BMPR1B: variants seen among roughly 807,000 people sequenced by gnomAD.
The protein encoded by BMPR1B is bone morphogenetic protein receptor type 1B, also known as bone morphogenetic protein receptor type-1B.
A neutral mutation model predicts 59.1 loss-of-function variants in BMPR1B; 12 were observed. The observed-to-expected ratio is 0.20, with a 90% CI of 0.13 to 0.33. The LOEUF is 0.33. Among genes scored for constraint, BMPR1B ranks in the 10% least tolerant of loss-of-function variants. The pLI is 1.00. For synonymous variants in BMPR1B, 237 were observed against 207.3 expected (o/e 1.14, Z -1.23); for missense variants, 550 against 610.9 (o/e 0.90, Z 1.05).
At chr4:95,025,823 G>T (rs140085089) in intron 3 of BMPR1B, among the ~76,000 whole-genome samples, 51 of 152,244 alleles carry the variant, frequency 3.3e-4, no homozygotes, top group African/African-American at 1.2e-3. Flanking sequence ...TTTAATATCT[G>T]TTTACTGTAG....
rs1454474664 is a variant in BMPR1B, at chr4:94,971,000, A to G, written c.-112-25040A>G. On this transcript the variant is annotated intron_variant, in intron 2 of 12. Transcript: ENST00000515059. ...ACATTTTACAGTCACTGAATTTGGG[A>G]TTTGTCCTAATGACATCATACAACA... Among the ~76,000 whole-genome samples, 3 of 152,294 alleles carry G rather than the reference A, an allele frequency of 2.0e-5. No homozygotes were observed. The East Asian group carries it at 5.8e-4, about 29-fold the overall frequency.
intron 1 of BMPR1B, among the ~76,000 whole-genome samples, chr4:94,767,722 T>G (rs903358681): frequency 6.6e-6 from 1 of 152,164 alleles, no homozygotes; most frequent in African/African-American, 2.4e-5. Context: ...TGCTGTGGCA[T>G]TTATGTTTGA....
At chr4:94,762,055 A>G (rs1187546632) in intron 1 of BMPR1B, among the ~76,000 whole-genome samples, 1 of 152,222 alleles carries the variant, frequency 6.6e-6, no homozygotes, top group African/African-American at 2.4e-5. Context: ...GGGTATTTTT[A>G]AAGCCCATCA....
chr4:95,128,872 C>G (rs1440810899), intron 8 of BMPR1B, among the ~76,000 whole-genome samples: 1 of 152,082 alleles, frequency 6.6e-6, no homozygotes, highest in Non-Finnish European at 1.5e-5. Context: ...TGGGTTGTTT[C>G]TGTTGACTCT....
intron 1 of BMPR1B, among the ~76,000 whole-genome samples, chr4:94,806,077 G>A (rs1037472688): frequency 3.3e-5 from 5 of 152,094 alleles, no homozygotes; most frequent in African/African-American, 1.2e-4. Context: ...ATTTTTCCAA[G>A]TTAAGACATT....
intron 1 of BMPR1B, among the ~76,000 whole-genome samples, chr4:94,833,192 CAAAA>C (rs60473542): frequency 6.0e-4 from 80 of 132,994 alleles, no homozygotes; most frequent in African/African-American, 1.0e-3. Context: ...GACTCTTTCT[CAAAA>C]AAAAAAAAAA....
chr4:94,921,722 G>C (rs1374060265), intron 2 of BMPR1B, among the ~76,000 whole-genome samples: 1 of 152,040 alleles, frequency 6.6e-6, no homozygotes, highest in Non-Finnish European at 1.5e-5. Flanking sequence ...AATGAGATTT[G>C]GTGGGGGCAC....
rs567267591 is a variant in BMPR1B at position 94,987,952 on chromosome 4, A to T, written c.-112-8088A>T. 3.8e-4 allele frequency among the ~76,000 whole-genome samples: 58 copies of T among 152,332 alleles called. 1 individual carries two copies. Among genetic ancestry groups the T allele is most frequent in the Admixed American group, 3.3e-4 (5 of 15,302 alleles). On this transcript the variant is annotated intron_variant, in intron 2 of 12. Coordinates refer to ENST00000515059, the MANE Select transcript of BMPR1B (RefSeq NM_001203.3). Reference sequence around the variant, plus strand: ...GATTTATCATCTGGATATTAGAATCATCCAGAGATTAATGGAATTAAATGT... The same window carrying T: ...GATTTATCATCTGGATATTAGAATCTTCCAGAGATTAATGGAATTAAATGT...
At chr4:95,091,376 G>T (rs937422198) in intron 3 of BMPR1B, 7 of 814,150 alleles carry the variant, frequency 8.6e-6, no homozygotes, top group Middle Eastern at 6.2e-4. Context: ...ATAGCTCATT[G>T]CTTGACCGGA....
intron 2 of BMPR1B, among the ~76,000 whole-genome samples, chr4:94,984,632 T>A (rs3775033): frequency 6.6e-6 from 1 of 152,178 alleles, no homozygotes. Context: ...AATGGACATA[T>A]TTTTATCGTG....
chr4:94,834,934 G>GT (rs1724742707), intron 1 of BMPR1B, among the ~76,000 whole-genome samples: 1 of 147,590 alleles, frequency 6.8e-6, no homozygotes, highest in African/African-American at 2.5e-5. Flanking sequence ...TGCAGTTTGT[G>GT]TTTCTTTGTT....
chr4:95,068,896 G>T (rs991655515), intron 3 of BMPR1B, among the ~76,000 whole-genome samples: 3 of 152,122 alleles, frequency 2.0e-5, no homozygotes, highest in Non-Finnish European at 4.4e-5. Context: ...TAATGTTGTT[G>T]ATAGGCTTTT....
chr4:95,027,556 G>T (rs1043190463), intron 3 of BMPR1B, among the ~76,000 whole-genome samples: 3 of 152,132 alleles, frequency 2.0e-5, no homozygotes, highest in South Asian at 4.1e-4. Context: ...GATGAAAATG[G>T]TGTAGGATAG....
intron 3 of BMPR1B, among the ~76,000 whole-genome samples, chr4:95,032,805 C>G (rs1185087204): frequency 6.6e-6 from 1 of 152,132 alleles, no homozygotes; most frequent in Admixed American, 6.6e-5. Context: ...GTTGGTTCCA[C>G]CTTTTGGCTA....
Position 95,157,443 on chromosome 4 carries a change from G to A in BMPR1B, c.*2770G>A, listed in dbSNP as rs1475967432. The A allele has an allele frequency of 6.6e-6, 1 of 151,758 alleles. No homozygotes were observed. The highest frequency in any genetic ancestry group is 1.5e-5 in the Non-Finnish European group (1 of 67,932). 9.4% of individuals were successfully genotyped at this position (151,758 alleles called of 1,614,324 possible). On this transcript the variant is annotated 3_prime_UTR_variant, in exon 13 of 13. Coordinates refer to ENST00000515059, the MANE Select transcript of BMPR1B (RefSeq NM_001203.3). ...ATTTTATTTTATTTGTCTTTCACTT[G>A]AATAAATGAGAACCCAGAAATTAAT...
chr4:94,824,854 T>A (rs1724329048), intron 1 of BMPR1B, among the ~76,000 whole-genome samples: 1 of 152,156 alleles, frequency 6.6e-6, no homozygotes. Context: ...TATTGTCTAG[T>A]TTTTGTGTTT....
At chr4:94,874,946 T>C (rs550335549) in intron 1 of BMPR1B, among the ~76,000 whole-genome samples, 8 of 152,220 alleles carry the variant, frequency 5.3e-5, no homozygotes, top group Non-Finnish European at 1.0e-4. Context: ...TGAGCCGAGA[T>C]CGCGCCACTG....
chr4:94,857,324 T>G (rs1380291953), intron 1 of BMPR1B, among the ~76,000 whole-genome samples: 1 of 152,232 alleles, frequency 6.6e-6, no homozygotes, highest in Non-Finnish European at 1.5e-5. Flanking sequence ...GAAAAGGTGC[T>G]ATGTGAAATA....
intron 3 of BMPR1B, among the ~76,000 whole-genome samples, chr4:95,026,125 TC>T (rs1724376865): frequency 6.8e-5 from 10 of 146,740 alleles, no homozygotes; most frequent in Admixed American, 4.1e-4. Flanking sequence ...TTTCTTTCTT[TC>T]TTTCTTTCTT....
Sources: gnomAD v4.1 joint callset for allele counts (sites outside exome capture counted in the v4.1 genomes callset) on GRCh38, gnomAD v4.1.1 for gene constraint, MANE v1.5 for transcripts, NCBI Gene and HGNC (gene_info 2026-07-23, HGNC 2026-07-21) for gene names.